SEMA3D: variants seen among roughly 807,000 people sequenced by gnomAD.
SEMA3D encodes semaphorin 3D.
A neutral mutation model predicts 100.1 loss-of-function variants in SEMA3D; 84 were observed. The observed-to-expected ratio is 0.84, with a 90% confidence interval of 0.70 to 1.01. The LOEUF is 1.01. SEMA3D is among the 50% of genes least tolerant of loss of function. SEMA3D has a pLI of 0.00. For missense variants in SEMA3D, 875 were observed against 934.1 expected, an observed-to-expected ratio of 0.94 and a Z score of 0.82; for synonymous variants, 312 against 320.7, an observed-to-expected ratio of 0.97 and a Z score of 0.29.
At position 85,056,536 on chromosome 7, in the gene SEMA3D, T is replaced by C. The variant is rs142225275; in HGVS notation, c.719-677A>G. Among the ~76,000 whole-genome samples the C allele has an allele frequency of 5.3e-3, 800 of 151,492 alleles. 11 individuals are homozygous for C. The highest frequency in any genetic ancestry group is 0.018 in the African/African-American group (761 of 41,430). On this transcript the variant is annotated intron_variant, in intron 8 of 18. Transcript: ENST00000284136. ...TATGTGTATATACATAGCATTTATA[T>C]ACATATAGCATATATAAGCATTAAA...
At chr7:85,234,945 C>T in the SEMA3D span, among the ~76,000 whole-genome samples, 2 of 152,128 alleles carry the variant, frequency 1.3e-5, no homozygotes, top group African/African-American at 4.8e-5. Context: ...GGCCCTCGGG[C>T]TTTCAGATAA....
chr7:85,064,910 A>C (rs958523884), intron 8 of SEMA3D, among the ~76,000 whole-genome samples: 1 of 152,196 alleles, frequency 6.6e-6, no homozygotes, highest in Non-Finnish European at 1.5e-5. Context: ...TTTTGAAGAG[A>C]AATGTCTTAA....
At chr7:85,235,904 C>T in the SEMA3D span, among the ~76,000 whole-genome samples, 3 of 152,134 alleles carry the variant, frequency 2.0e-5, no homozygotes, top group Non-Finnish European at 2.9e-5. Flanking sequence ...TTTACAGAAA[C>T]ATCCTAATTT....
At chr7:85,158,307 C>T (rs1204452206) in intron 1 of SEMA3D, among the ~76,000 whole-genome samples, 1 of 152,126 alleles carries the variant, frequency 6.6e-6, no homozygotes, top group Non-Finnish European at 1.5e-5. Context: ...CAGCAAGGAA[C>T]ATCCCTGAGA....
chr7:85,163,452 G>A (rs547645703), intron 1 of SEMA3D, among the ~76,000 whole-genome samples: 1 of 151,218 alleles, frequency 6.6e-6, no homozygotes. Context: ...GATCAGAAAT[G>A]GAATCTGGAA....
chr7:85,127,639 A>G (rs1430886123), intron 2 of SEMA3D, among the ~76,000 whole-genome samples: 30 of 152,160 alleles, frequency 2.0e-4, no homozygotes, highest in Admixed American at 2.0e-3. Flanking sequence ...CATTTATAAA[A>G]ATTTAATAAA....
chr7:85,181,184 C>A (rs1337218436), intron 1 of SEMA3D, among the ~76,000 whole-genome samples: 3 of 152,126 alleles, frequency 2.0e-5, no homozygotes, highest in Admixed American at 6.5e-5. Flanking sequence ...AAATGCTACC[C>A]CACGCCAATC....
At chr7:85,166,907 G>A (rs929904248) in intron 1 of SEMA3D, among the ~76,000 whole-genome samples, 2 of 151,962 alleles carry the variant, frequency 1.3e-5, no homozygotes, top group Non-Finnish European at 2.9e-5. Flanking sequence ...TAGAGGTTTT[G>A]TACAAAGGTG....
chr7:85,221,886 A>G, the SEMA3D span, among the ~76,000 whole-genome samples: 2 of 152,158 alleles, frequency 1.3e-5, no homozygotes, highest in African/African-American at 4.8e-5. Context: ...ATGACACTCA[A>G]ATTTATCACA....
In SEMA3D at chr7:85,072,967, T is replaced by G. The variant is rs1791817143; in HGVS notation, c.490A>C (p.Lys164Gln). ...ICGYIDLGVY[K>Q]EDIIFKLDTH... ...ATGCTTTTTCATTATATTACCTCCT[T>G]GTAGACTCCAAGATCAATATACCCA... Residue 164 changes from lysine to glutamine, a missense_variant, in exon 6 of 19, where the codon AAG (lysine) becomes CAG (glutamine). By Grantham distance (53) the Lys-to-Gln change is moderately conservative. Transcript: ENST00000284136. The G allele has an allele frequency of 6.9e-6, 11 of 1,601,658 alleles. No homozygotes were observed. The highest frequency in any genetic ancestry group is 9.4e-6 in the Non-Finnish European group (11 of 1,173,800).
the SEMA3D span, among the ~76,000 whole-genome samples, chr7:85,196,744 A>G: frequency 6.6e-6 from 1 of 152,180 alleles, no homozygotes; most frequent in Non-Finnish European, 1.5e-5. Context: ...AAAGTCCAAT[A>G]ACTTTTGTAG....
At chr7:85,040,635 A>G (rs1327562035) in intron 11 of SEMA3D, 38 bp downstream of exon 11, 1 of 1,004,430 alleles carries the variant, frequency 1.0e-6, no homozygotes. Flanking sequence ...ATACATATAC[A>G]ATTCTCTGAA....
Position 85,055,766 on chromosome 7 carries a change from C to A in SEMA3D, c.812G>T (p.Gly271Val). 6.4e-7 allele frequency: 1 copy of A among 1,569,884 alleles called. No individual in the cohort carries two copies. Among genetic ancestry groups the A allele is most frequent in the Non-Finnish European group, 8.7e-7 (1 of 1,146,854 alleles). Residue 271 changes from glycine (G) to valine (V), a missense_variant, in exon 9 of 19, where the codon GGC becomes GTC. Physicochemically the swap from Gly to Val is moderately radical, Grantham distance 109. Coordinates refer to ENST00000284136, the MANE Select transcript of SEMA3D (RefSeq NM_001384900.1). ...YFFFRESSQE[G>V]STSDKTILSR... ...AAGGATGGTTTTATCGGAGGTACTG[C>A]CTTCTTGAGATGATTCACGAAAGAA... is the stretch of plus-strand genomic sequence containing the variant.
chr7:85,101,160 T>C (rs1269036128), intron 3 of SEMA3D, among the ~76,000 whole-genome samples: 2 of 151,980 alleles, frequency 1.3e-5, no homozygotes, highest in Admixed American at 6.6e-5. Context: ...AGATAATGCA[T>C]TTCACACAAA....
At chr7:85,087,069 G>A (rs75362139) in intron 4 of SEMA3D, among the ~76,000 whole-genome samples, 2,610 of 152,294 alleles carry the variant, frequency 0.017, 35 homozygotes, top group Non-Finnish European at 0.027. Flanking sequence ...ACACTGTAGT[G>A]TGTCTTGCAC....
At chr7:85,164,357 T>C (rs1052768875) in intron 1 of SEMA3D, among the ~76,000 whole-genome samples, 8 of 152,162 alleles carry the variant, frequency 5.3e-5, no homozygotes, top group Admixed American at 1.3e-4. Context: ...TCTATACATA[T>C]ACTTATTTAT....
intron 3 of SEMA3D, among the ~76,000 whole-genome samples, chr7:85,103,517 T>C (rs1455442283): frequency 6.6e-6 from 1 of 151,982 alleles, no homozygotes; most frequent in Non-Finnish European, 1.5e-5. Flanking sequence ...GCCAGCTCTG[T>C]GCTTGGTTAA....
the SEMA3D span, among the ~76,000 whole-genome samples, chr7:85,197,987 G>A: frequency 3.3e-5 from 5 of 152,122 alleles, no homozygotes; most frequent in Non-Finnish European, 7.4e-5. Flanking sequence ...AAGAAAATTA[G>A]TAGTCCTTAA....
In SEMA3D at chr7:84,996,022, G is replaced by A. The variant is rs1401562146; in HGVS notation, c.*3418C>T. ...TTCTAAATTATCCATTCCCAATAAG[G>A]TTAACCAATTCCAAAATGTTTTCTA... On this transcript the variant is annotated 3_prime_UTR_variant, in exon 19 of 19. Coordinates refer to ENST00000284136, the MANE Select transcript of SEMA3D (RefSeq NM_001384900.1). The A allele has an allele frequency of 6.6e-6, 1 of 150,856 alleles. No individual in the cohort carries two copies. Among genetic ancestry groups the A allele is most frequent in the Admixed American group, 6.6e-5 (1 of 15,158 alleles). The allele number at this position is 150,856 out of a possible 1,614,324, so 9.3% of individuals were successfully genotyped here.
Sources: allele counts gnomAD v4.1 joint callset (sites outside exome capture counted in the v4.1 genomes callset), GRCh38; gene constraint gnomAD v4.1.1; transcripts MANE v1.5; gene names NCBI Gene and HGNC (gene_info 2026-07-23, HGNC 2026-07-21).